The following C8A variants were observed in gnomAD, a reference collection of about 807,000 sequenced individuals.
C8A encodes complement C8 alpha chain.
A neutral mutation model predicts 65.3 loss-of-function variants in C8A; 67 were observed. The observed-to-expected ratio is 1.03, with a 90% CI of 0.84 to 1.26. The LOEUF is 1.26. Ranked by LOEUF, C8A falls within the 50% of genes most tolerant of loss-of-function variation. The pLI is 0.00. For missense variants in C8A, 781 were observed against 723.9 expected, an observed-to-expected ratio of 1.08 and a Z score of -0.90; for synonymous variants, 290 against 259.4, an observed-to-expected ratio of 1.12 and a Z score of -1.13.
At chr1:56,910,157 G>A (rs1461413261) in intron 9 of C8A, among the ~76,000 whole-genome samples, 1 of 152,202 alleles carries the variant, frequency 6.6e-6, no homozygotes, top group Non-Finnish European at 1.5e-5. Context: ...TTATTCACTT[G>A]CATATACCCC....
chr1:56,912,116 T>C (rs905022635), intron 9 of C8A, among the ~76,000 whole-genome samples: 2 of 152,192 alleles, frequency 1.3e-5, no homozygotes, highest in African/African-American at 2.4e-5. Flanking sequence ...GCTGGGACTT[T>C]TAACTGCCCC....
intron 10 of C8A, among the ~76,000 whole-genome samples, chr1:56,915,619 G>A (rs1454273533): frequency 1.3e-5 from 2 of 152,196 alleles, no homozygotes; most frequent in African/African-American, 4.8e-5. Flanking sequence ...ACAGCCGTTA[G>A]AGCTGCATGT....
intron 1 of C8A, among the ~76,000 whole-genome samples, chr1:56,857,324 A>ACT (rs1409347505): frequency 6.6e-6 from 1 of 151,756 alleles, no homozygotes; most frequent in East Asian, 1.9e-4. Flanking sequence ...ACACACACAC[A>ACT]CACACATCTA....
Position 56,917,562 on chromosome 1 carries a change from C to T in C8A, c.1604-3C>T. The T allele has an allele frequency of 6.2e-7, 1 of 1,614,142 alleles. No homozygotes were observed. Among genetic ancestry groups the T allele is most frequent in the Non-Finnish European group, 8.5e-7 (1 of 1,180,012 alleles). On this transcript the variant is annotated splice_polypyrimidine_tract_variant and splice_region_variant and intron_variant, in intron 10 of 10. Transcript: ENST00000361249. ...TCTCCTCCCTGGGAAATTTCCTCTG[C>T]AGGAGCCAAAGCAGATGGGAGCTGG... is the stretch of plus-strand genomic sequence containing the variant.
intron 1 of C8A, among the ~76,000 whole-genome samples, chr1:56,857,356 A>G (rs1223507840): frequency 6.6e-6 from 1 of 151,764 alleles, no homozygotes; most frequent in Non-Finnish European, 1.5e-5. Context: ...ACTGCTTGAT[A>G]ATTTACCCTT....
At chr1:56,882,907 T>C (rs1644259354) in intron 5 of C8A, among the ~76,000 whole-genome samples, 1 of 152,260 alleles carries the variant, frequency 6.6e-6, no homozygotes, top group South Asian at 2.1e-4. Context: ...GGAGGCTCCA[T>C]TTCAACACAT....
chr1:56,885,587 G>T, intron 6 of C8A, among the ~76,000 whole-genome samples: 1 of 146,096 alleles, frequency 6.8e-6, no homozygotes. Flanking sequence ...TTTTGAGGCG[G>T]AGTCTTGCTC....
intron 10 of C8A, among the ~76,000 whole-genome samples, chr1:56,915,549 C>T (rs1443872296): frequency 1.3e-5 from 2 of 152,164 alleles, no homozygotes; most frequent in Non-Finnish European, 2.9e-5. Flanking sequence ...ATTGGCCAGG[C>T]AGCATTCCCA....
chr1:56,904,615 C>G (rs971008787), intron 7 of C8A, among the ~76,000 whole-genome samples: 1 of 152,128 alleles, frequency 6.6e-6, no homozygotes, highest in East Asian at 1.9e-4. Flanking sequence ...CAGACTTGAG[C>G]GTGAATCTCA....
chr1:56,888,728 C>A (rs946503705), intron 7 of C8A, among the ~76,000 whole-genome samples: 1 of 152,106 alleles, frequency 6.6e-6, no homozygotes, highest in South Asian at 2.1e-4. Flanking sequence ...TTTTAAGAAT[C>A]ATTCAAAAAC....
At chr1:56,855,053 T>G (rs1643960203) in intron 1 of C8A, 75 bp downstream of exon 1, 4 of 1,071,670 alleles carry the variant, frequency 3.7e-6, no homozygotes, top group Non-Finnish European at 5.8e-6. Context: ...CTTTTATGTT[T>G]GCAGCAGAGG....
At chr1:56,874,422 C>T (rs972064608) in intron 2 of C8A, among the ~76,000 whole-genome samples, 1 of 152,184 alleles carries the variant, frequency 6.6e-6, no homozygotes, top group Non-Finnish European at 1.5e-5. Flanking sequence ...CAACAGATGT[C>T]TTCTGAACGT....
intron 1 of C8A, among the ~76,000 whole-genome samples, chr1:56,860,961 C>T (rs1348632310): frequency 1.3e-5 from 2 of 152,178 alleles, no homozygotes; most frequent in Admixed American, 1.3e-4. Flanking sequence ...GGTTCACAGA[C>T]TGCATCTTAG....
At chr1:56,906,869 T>C in intron 8 of C8A, 77 bp downstream of exon 8, 1 of 1,531,168 alleles carries the variant, frequency 6.5e-7, no homozygotes, top group Non-Finnish European at 9.0e-7. Context: ...ATGGAAGCTA[T>C]TTTTTTTCCC....
chr1:56,881,455 C>T lies in C8A; in HGVS notation c.475C>T (p.Leu159=), dbSNP rs746890898. 3.1e-6 allele frequency: 5 copies of T among 1,613,558 alleles called. No homozygotes were observed. In the South Asian group the frequency reaches 4.4e-5, roughly 14 times the overall value. Residue 159 remains leucine, a synonymous_variant, in exon 5 of 11, where the codon CTG becomes TTG. Coordinates refer to ENST00000361249, the MANE Select transcript of C8A (RefSeq NM_000562.3). ...SQKAALGYNI[L]TQEDAQSVYD... is the part of the protein sequence containing the mutation. ...CTTTGTTCCATGTAGGTACAATATC[C>T]TGACCCAGGAAGATGCTCAGAGTGT...
Position 56,874,977 on chromosome 1 carries a change from A to G in C8A, c.200A>G (p.Asn67Ser). The change falls in exon 3 of 11, where the codon AAC becomes AGC. Residue 67 changes from asparagine (N) to serine (S), a missense_variant. Physicochemically the swap from Asn to Ser is conservative, Grantham distance 46. Transcript: ENST00000361249. ...KYRHRSLLQP[N>S]KFGGTICSGD... ...CGACACCGGAGCCTCTTGCAGCCAA[A>G]CAAGTTTGGGGGAACCATCTGCAGT... is the stretch of plus-strand genomic sequence containing the variant. The G allele has an allele frequency of 6.2e-7, 1 of 1,613,766 alleles. No homozygotes were observed. Among genetic ancestry groups the G allele is most frequent in the Non-Finnish European group, 8.5e-7 (1 of 1,179,822 alleles).
intron 2 of C8A, among the ~76,000 whole-genome samples, chr1:56,874,087 T>C (rs966279727): frequency 6.6e-6 from 1 of 152,134 alleles, no homozygotes; most frequent in Non-Finnish European, 1.5e-5. Flanking sequence ...CTCTATCTCT[T>C]GGATGGGTGC....
At chr1:56,886,312 C>A in intron 7 of C8A, 145 bp downstream of exon 7, 1 of 954,906 alleles carries the variant, frequency 1.0e-6, no homozygotes, top group Non-Finnish European at 1.6e-6. Flanking sequence ...AGTATTATTA[C>A]TCCCAAGGAA....
intron 9 of C8A, among the ~76,000 whole-genome samples, chr1:56,908,444 A>T (rs531672184): frequency 3.7e-4 from 56 of 152,368 alleles, no homozygotes; most frequent in African/African-American, 1.3e-3. Flanking sequence ...GGGCTAAATT[A>T]GGGGGTGGCA....
Sources: gnomAD v4.1 joint callset for allele counts (sites outside exome capture counted in the v4.1 genomes callset) on GRCh38, gnomAD v4.1.1 for gene constraint, MANE v1.5 for transcripts, NCBI Gene and HGNC (gene_info 2026-07-23, HGNC 2026-07-21) for gene names.